The following ZNF195 variants were observed in gnomAD, a reference collection of about 807,000 sequenced individuals.
The protein encoded by ZNF195 is zinc finger protein 195, also known as hypoxia-regulated factor-1.
Under a neutral mutation model 19.5 loss-of-function variants are expected in ZNF195, and 11 were observed. That is an observed-to-expected ratio of 0.57 (90% confidence interval 0.36 to 0.94). The LOEUF is 0.94. Ranked by LOEUF, ZNF195 falls within the 40% of genes least tolerant of loss-of-function variation. ZNF195 has a pLI of 0.01. For synonymous variants in ZNF195, 214 were observed against 248.1 expected (o/e 0.86, Z 1.29); for missense variants, 582 against 709.0 (o/e 0.82, Z 2.03).
chr11:3,363,079 G>C (rs1190147471), intron 3 of ZNF195, among the ~76,000 whole-genome samples: 1 of 152,042 alleles, frequency 6.6e-6, no homozygotes, highest in Non-Finnish European at 1.5e-5. Context: ...GACAAGCGTG[G>C]GTGCATATTC....
intron 2 of ZNF195, 117 bp from the exon 3 acceptor site, chr11:3,371,187 A>G (rs1238373599): frequency 2.0e-6 from 2 of 976,690 alleles, no homozygotes; most frequent in South Asian, 1.8e-5. Flanking sequence ...TCCCAAAATT[A>G]TGCTTCCTGA....
chr11:3,371,570 T>A lies in ZNF195; in HGVS notation c.130+7A>T, dbSNP rs745587365. The A allele has an allele frequency of 1.1e-5, 17 of 1,614,102 alleles. No individual in the cohort carries two copies. In the South Asian group the frequency reaches 1.9e-4, roughly 18 times the overall value. On this transcript the variant is annotated splice_region_variant and intron_variant, in intron 2 of 5. Transcript: ENST00000399602. ...TAGGAGGAACTACGTATTGAAGTTA[T>A]CCTCACCAACGGAGAACAAGTTTCT... is the stretch of plus-strand genomic sequence containing the variant.
chr11:3,376,771 C>G (rs1290622985), intron 1 of ZNF195, among the ~76,000 whole-genome samples: 1 of 152,204 alleles, frequency 6.6e-6, no homozygotes, highest in African/African-American at 2.4e-5. Context: ...GTGCTAAGTT[C>G]CATCTCCTAC....
At chr11:3,369,871 C>T (rs985916771) in intron 3 of ZNF195, among the ~76,000 whole-genome samples, 1 of 152,244 alleles carries the variant, frequency 6.6e-6, no homozygotes, top group Non-Finnish European at 1.5e-5. Context: ...TAGACATTAA[C>T]TGTTCTCACT....
At chr11:3,377,770 G>C in intron 1 of ZNF195, 2 of 1,026,940 alleles carry the variant, frequency 1.9e-6, no homozygotes, top group Non-Finnish European at 2.4e-6. Context: ...GGCCATGGTG[G>C]GCATCCTGTG....
In ZNF195 at chr11:3,360,086, CGTT is replaced by C; in HGVS notation, c.919_921del (p.Asn307del). ...GTAAGGACTGAGCAAGTTTTAATGA[CGTT>C]GTTACATTCTTGACACTTGTAAGGT... On this transcript the variant is annotated inframe_deletion, in exon 6 of 6. Transcript: ENST00000399602. The C allele has an allele frequency of 6.2e-7, 1 of 1,614,088 alleles. No homozygotes were observed. The highest frequency in any genetic ancestry group is 1.1e-5 in the South Asian group (1 of 91,086).
In ZNF195 at chr11:3,360,779, G is replaced by A. The variant is rs947579798; in HGVS notation, c.383C>T (p.Ser128Leu). The A allele has an allele frequency of 2.0e-5, 31 of 1,551,494 alleles. No homozygotes were observed. The highest frequency in any genetic ancestry group is 5.9e-5 in the Admixed American group (3 of 50,952). Residue 128 changes from serine to leucine, a missense_variant, in exon 5 of 6, where the codon TCA (serine) becomes TTA (leucine). Coordinates refer to ENST00000399602, the MANE Select transcript of ZNF195 (RefSeq NM_001130520.3). ...VSVDKFTALCSPGVLQTVKWF... is the reference protein window; with the variant it reads ...VSVDKFTALCLPGVLQTVKWF... Reference sequence around the variant, plus strand: ...TTTCACAGTTTGCAGCACCCCAGGTGAGCACAGTGCTAGGAGCCAGATAAG... The same window carrying A: ...TTTCACAGTTTGCAGCACCCCAGGTAAGCACAGTGCTAGGAGCCAGATAAG...
chr11:3,360,568 G>GA lies in ZNF195; in HGVS notation c.443-4dup, dbSNP rs369559162. ...TTGGGTAAAATGAGAAGACATAGCT[G>GA]AAAAAAAAAAAAAAAGTTATCCGAC... On this transcript the variant is annotated splice_region_variant and splice_polypyrimidine_tract_variant and intron_variant, in intron 5 of 5. Transcript: ENST00000399602. 82,311 of 1,140,306 alleles carry GA rather than the reference G, an allele frequency of 0.072. No homozygotes were observed. The highest frequency in any genetic ancestry group is 0.092 in the South Asian group (5,449 of 58,950). 70.6% of individuals were successfully genotyped at this position (1,140,306 alleles called of 1,614,324 possible). A position where few individuals can be genotyped will look rare whatever the true frequency, so the allele number is the denominator to read the frequency against.
intron 5 of ZNF195, 26 bp from the exon 6 acceptor site, chr11:3,360,591 G>C (rs747769042): frequency 9.1e-6 from 14 of 1,542,914 alleles, no homozygotes; most frequent in Non-Finnish European, 1.0e-5. Context: ...AAAGTTATCC[G>C]ACTTACTAGA....
chr11:3,378,035 C>T (rs532765185), intron 1 of ZNF195: 56 of 706,600 alleles, frequency 7.9e-5, no homozygotes, highest in Non-Finnish European at 9.4e-5. Flanking sequence ...CCAGGCTGGG[C>T]GCAGTGGCTC....
In ZNF195 at chr11:3,377,784, T is replaced by C. The variant is rs1849538412; in HGVS notation, c.3+1254A>G. On this transcript the variant is annotated intron_variant, in intron 1 of 5. Transcript: ENST00000399602. Reference sequence around the variant, plus strand: ...TGGCCATGGTGGGCATCCTGTGTTATCCCTGGACAATACTGAAACTGAGGA... The same window carrying C: ...TGGCCATGGTGGGCATCCTGTGTTACCCCTGGACAATACTGAAACTGAGGA... 4 of 1,007,042 alleles carry C rather than the reference T, an allele frequency of 4.0e-6. No individual in the cohort carries two copies. The South Asian group carries it at 1.6e-4, about 41-fold the overall frequency. The allele number at this position is 1,007,042 out of a possible 1,614,324, so 62.4% of individuals were successfully genotyped here. A position where few individuals can be genotyped will look rare whatever the true frequency, so the allele number is the denominator to read the frequency against.
In ZNF195 at chr11:3,358,546, G is replaced by C. The variant is rs960325062; in HGVS notation, c.*572C>G. 6.6e-6 allele frequency: 1 copy of C among 152,178 alleles called. No homozygotes were observed. Among genetic ancestry groups the C allele is most frequent in the African/African-American group, 2.4e-5 (1 of 41,440 alleles). 9.4% of individuals were successfully genotyped at this position (152,178 alleles called of 1,614,324 possible). On this transcript the variant is annotated 3_prime_UTR_variant, in exon 6 of 6. Transcript: ENST00000399602. ...TTTTCACATCAGCACTAGAAATGAA[G>C]ACACAGCATCTACTGATTTGAGAAT...
At chr11:3,363,589 G>A (rs1042474019) in intron 3 of ZNF195, among the ~76,000 whole-genome samples, 4 of 152,294 alleles carry the variant, frequency 2.6e-5, no homozygotes, top group South Asian at 2.1e-4. Context: ...AGATGTTCAC[G>A]CTGTCCAATG....
rs901669908 is a variant in ZNF195, at chr11:3,370,877, C to G, written c.226+98G>C. On this transcript the variant is annotated intron_variant, in intron 3 of 5. Coordinates refer to ENST00000399602, the MANE Select transcript of ZNF195 (RefSeq NM_001130520.3). ...CCCAGGCTCTCAGAAACCATCTCCA[C>G]TAGGGCAGAGCTTCTCAAACCACAT... 2.5e-6 allele frequency: 3 copies of G among 1,220,000 alleles called. No individual in the cohort carries two copies. In the African/African-American group the frequency reaches 4.5e-5, roughly 18 times the overall value. 75.6% of individuals were successfully genotyped at this position (1,220,000 alleles called of 1,614,324 possible). A position where few individuals can be genotyped will look rare whatever the true frequency, so the allele number is the denominator to read the frequency against.
At chr11:3,367,062 GT>G in intron 3 of ZNF195, 4 of 177,426 alleles carry the variant, frequency 2.3e-5, no homozygotes, top group South Asian at 4.5e-5. Flanking sequence ...GAAACTCTGT[GT>G]AAAAAAAAAA....
Position 3,359,544 on chromosome 11 carries a change from A to C in ZNF195, c.1464T>G (p.His488Gln), listed in dbSNP as rs367564176. Residue 488 changes from histidine to glutamine, a missense_variant, in exon 6 of 6, where the codon CAT becomes CAG. His to Gln is a conservative substitution (Grantham distance 24). Around this residue, in one of 3 missense-constraint regions of ZNF195, gnomAD observed 407 missense variants for 530.5 expected, o/e 0.77. Transcript: ENST00000399602. The surrounding 1 kb of genome is among the most constrained non-coding windows in gnomAD (Gnocchi z 5.5). ...CSSLSNHKRT[H>Q]SEEKPYTCEE... is the part of the protein sequence containing the mutation. ...CACACGTGTAGGGTTTTTCTTCAGAATGAGTTCTCTTATGGTTAGAAAGGC... is the reference window on the plus strand; with the variant it reads ...CACACGTGTAGGGTTTTTCTTCAGACTGAGTTCTCTTATGGTTAGAAAGGC... 2.5e-6 allele frequency: 4 copies of C among 1,614,110 alleles called. No homozygotes were observed. The highest frequency in any genetic ancestry group is 3.4e-6 in the Non-Finnish European group (4 of 1,180,006).
intron 1 of ZNF195, 130 bp downstream of exon 1, chr11:3,378,908 G>GT (rs1298348025): frequency 4.3e-6 from 5 of 1,163,394 alleles, no homozygotes; most frequent in Non-Finnish European, 5.5e-6. Flanking sequence ...GGCCGCCATG[G>GT]TGCAGCTGGA....
intron 1 of ZNF195, among the ~76,000 whole-genome samples, chr11:3,378,711 A>C (rs529534312): frequency 1.1e-4 from 17 of 152,248 alleles, no homozygotes; most frequent in Non-Finnish European, 1.9e-4. Context: ...CCCTCGAGAG[A>C]AAGGAGGGAC....
intron 1 of ZNF195, among the ~76,000 whole-genome samples, chr11:3,373,157 A>G (rs1215577069): frequency 6.6e-6 from 1 of 152,232 alleles, no homozygotes; most frequent in African/African-American, 2.4e-5. Context: ...TCTGGTTTAA[A>G]TGTTTATTTT....
Sources: allele counts gnomAD v4.1 joint callset (sites outside exome capture counted in the v4.1 genomes callset), GRCh38; gene constraint gnomAD v4.1.1; regional missense constraint gnomAD v4.1.1; non-coding constraint Gnocchi (gnomAD v3.1); transcripts MANE v1.5; gene names NCBI Gene and HGNC (gene_info 2026-07-23, HGNC 2026-07-21).